The following GTF3C1 variants were observed in gnomAD, a reference collection of about 807,000 sequenced individuals.
GTF3C1 encodes the protein general transcription factor IIIC subunit 1.
In GTF3C1, 57 loss-of-function variants were observed where a neutral mutation model predicts 226.7. The observed-to-expected ratio is 0.25, with a 90% CI of 0.20 to 0.31. The LOEUF is 0.31. Ranked by LOEUF, GTF3C1 falls within the 10% of genes least tolerant of loss-of-function variation. The pLI is 1.00. For missense variants in GTF3C1, 2,217 were observed against 2,776.1 expected (o/e 0.80, Z 4.53); for synonymous variants, 1,090 against 1,084.8 (o/e 1.00, Z -0.09).
In GTF3C1 at chr16:27,461,230, C is replaced by T. The variant is rs920602804; in HGVS notation, c.*120G>A. 20 of 650,596 alleles carry T rather than the reference C, an allele frequency of 3.1e-5. No individual in the cohort carries two copies. Among genetic ancestry groups the T allele is most frequent in the Admixed American group, 2.0e-4 (7 of 35,620 alleles). 40.3% of individuals were successfully genotyped at this position (650,596 alleles called of 1,614,324 possible). A position where few individuals can be genotyped will look rare whatever the true frequency, so the allele number is the denominator to read the frequency against. On this transcript the variant is annotated 3_prime_UTR_variant, in exon 37 of 37. Transcript: ENST00000356183. The surrounding 1 kb of genome is among the most constrained non-coding windows in gnomAD (Gnocchi z 5.3). ...AGTCTGTGACTCTGGCCAAAGCACC[C>T]GTCCCCTGCTGCAGGAGGCTCGGCA...
chr16:27,530,587 T>G (rs976634296), intron 5 of GTF3C1, among the ~76,000 whole-genome samples: 1 of 152,208 alleles, frequency 6.6e-6, no homozygotes, highest in Non-Finnish European at 1.5e-5. Context: ...CAGCTCTCTG[T>G]GACCCCAATT....
intron 6 of GTF3C1, among the ~76,000 whole-genome samples, chr16:27,518,509 T>C (rs2141422551): frequency 6.6e-6 from 1 of 152,368 alleles, no homozygotes; most frequent in African/African-American, 2.4e-5. Flanking sequence ...TTGCTACTGC[T>C]TTTACAACTC....
intron 32 of GTF3C1, chr16:27,466,170 G>A (rs906789885): frequency 6.6e-6 from 1 of 152,644 alleles, no homozygotes; most frequent in African/African-American, 2.4e-5. Context: ...TGTGCTTCAC[G>A]GATATTGTGT....
rs1228194421 is a variant in GTF3C1 at position 27,546,601 on chromosome 16, A to G, written c.222-1078T>C. On this transcript the variant is annotated intron_variant, in intron 1 of 36. Transcript: ENST00000356183. ...AGTAATCTGCCCACTTCAGCCTTGC[A>G]AAGTGCTAGGATTACAGGTGTGAGC... is the stretch of plus-strand genomic sequence containing the variant. Among the ~76,000 whole-genome samples the G allele has an allele frequency of 2.0e-5, 3 of 151,714 alleles. No homozygotes were observed. The East Asian group carries it at 5.8e-4, about 29-fold the overall frequency.
chr16:27,540,968 G>A (rs2089072763), intron 2 of GTF3C1, among the ~76,000 whole-genome samples: 1 of 152,094 alleles, frequency 6.6e-6, no homozygotes, highest in African/African-American at 2.4e-5. Flanking sequence ...AGCCTCCCAA[G>A]TAGCTGGGAT....
chr16:27,522,046 C>T (rs1406663504), intron 6 of GTF3C1, among the ~76,000 whole-genome samples: 1 of 152,186 alleles, frequency 6.6e-6, no homozygotes, highest in Admixed American at 6.5e-5. Flanking sequence ...TTTTAACTAT[C>T]ATAATTTAAT....
At chr16:27,547,554 G>A (rs533149119) in intron 1 of GTF3C1, among the ~76,000 whole-genome samples, 3 of 151,996 alleles carry the variant, frequency 2.0e-5, no homozygotes, top group East Asian at 1.9e-4. Flanking sequence ...TCATCCCCAC[G>A]CCCACCATGG....
chr16:27,486,818 C>G (rs1413491515), intron 23 of GTF3C1, among the ~76,000 whole-genome samples: 1 of 152,214 alleles, frequency 6.6e-6, no homozygotes. Context: ...TATGCTTTTT[C>G]AACATATTAT....
At position 27,463,902 on chromosome 16, in the gene GTF3C1, A is replaced by AG; in HGVS notation, c.5873-311dup. The AG allele has an allele frequency of 2.4e-6, 1 of 418,624 alleles. No individual in the cohort carries two copies. Among genetic ancestry groups the AG allele is most frequent in the Non-Finnish European group, 4.2e-6 (1 of 237,506 alleles). The allele number at this position is 418,624 out of a possible 1,614,324, so 25.9% of individuals were successfully genotyped here. ...GACCACAAGGGTGGTATAAAACCCG[A>AG]GGCAAAAACACCCCAAAGAAAACAA... On this transcript the variant is annotated intron_variant, in intron 34 of 36. Coordinates refer to ENST00000356183, the MANE Select transcript of GTF3C1 (RefSeq NM_001520.4). The surrounding 1 kb of genome is among the most constrained non-coding windows in gnomAD (Gnocchi z 4.9).
chr16:27,522,920 C>T (rs1055994087), intron 6 of GTF3C1, among the ~76,000 whole-genome samples: 1 of 152,058 alleles, frequency 6.6e-6, no homozygotes, highest in Non-Finnish European at 1.5e-5. Context: ...TTCTGTATAC[C>T]GATCTTCTGT....
At chr16:27,493,739 T>TA (rs760797518) in intron 16 of GTF3C1, among the ~76,000 whole-genome samples, 3 of 152,212 alleles carry the variant, frequency 2.0e-5, no homozygotes, top group African/African-American at 4.8e-5. Flanking sequence ...AATAAATACC[T>TA]ACTCAACAGT....
At chr16:27,518,983 C>T (rs2088704451) in intron 6 of GTF3C1, among the ~76,000 whole-genome samples, 1 of 152,236 alleles carries the variant, frequency 6.6e-6, no homozygotes, top group Non-Finnish European at 1.5e-5. Flanking sequence ...TACTAGCAGA[C>T]TAGCAGGGCC....
chr16:27,483,083 T>G lies in GTF3C1; in HGVS notation c.4044A>C (p.Gly1348=). The part of the protein sequence containing the change: ...AEVYQDKALV[G]DFMNRRGDYD... Reference sequence around the variant, plus strand: ...AGTCACCTCTTCGATTCATGAAATCTCCAACAAGTGCTTTATCCTGGTACA... The same window carrying G: ...AGTCACCTCTTCGATTCATGAAATCGCCAACAAGTGCTTTATCCTGGTACA... Residue 1348 remains glycine, a synonymous_variant, in exon 26 of 37, where the codon GGA becomes GGC. Coordinates refer to ENST00000356183, the MANE Select transcript of GTF3C1 (RefSeq NM_001520.4). 4 of 1,614,210 alleles carry G rather than the reference T, an allele frequency of 2.5e-6. No homozygotes were observed. The highest frequency in any genetic ancestry group is 3.4e-6 in the Non-Finnish European group (4 of 1,180,036).
intron 4 of GTF3C1, among the ~76,000 whole-genome samples, chr16:27,533,606 C>T (rs1368015615): frequency 6.6e-6 from 1 of 152,216 alleles, no homozygotes; most frequent in Non-Finnish European, 1.5e-5. Context: ...GGCCACCTTT[C>T]TAGAGGCAAT....
intron 7 of GTF3C1, among the ~76,000 whole-genome samples, chr16:27,509,150 A>G (rs1035085494): frequency 1.3e-5 from 2 of 152,210 alleles, no homozygotes; most frequent in Admixed American, 6.5e-5. Flanking sequence ...GCACTGTCCC[A>G]TAAGAGTCGT....
intron 13 of GTF3C1, among the ~76,000 whole-genome samples, chr16:27,498,094 G>A (rs942487059): frequency 6.6e-6 from 1 of 152,186 alleles, no homozygotes; most frequent in African/African-American, 2.4e-5. Context: ...TCAGACATGT[G>A]CATCAACGCT....
intron 12 of GTF3C1, 99 bp downstream of exon 12, chr16:27,501,088 GGTAA>G: frequency 1.1e-6 from 1 of 938,984 alleles, no homozygotes; most frequent in Non-Finnish European, 1.6e-6. Context: ...CCAAGTCACT[GGTAA>G]TAAAGCAACT....
intron 19 of GTF3C1, among the ~76,000 whole-genome samples, chr16:27,490,856 A>T (rs2141377869): frequency 6.6e-6 from 1 of 152,292 alleles, no homozygotes; most frequent in East Asian, 1.9e-4. Context: ...TCAAATGTTT[A>T]TTGAATGAAG....
At chr16:27,522,987 G>T (rs1450210057) in intron 6 of GTF3C1, among the ~76,000 whole-genome samples, 1 of 152,018 alleles carries the variant, frequency 6.6e-6, no homozygotes, top group African/African-American at 2.4e-5. Flanking sequence ...GCTCTGAGGA[G>T]AGTCGATCTC....
Sources: gnomAD v4.1 joint callset for allele counts (sites outside exome capture counted in the v4.1 genomes callset) on GRCh38, gnomAD v4.1.1 for gene constraint, Gnocchi (gnomAD v3.1) non-coding constraint, MANE v1.5 for transcripts, NCBI Gene and HGNC (gene_info 2026-07-23, HGNC 2026-07-21) for gene names.